The following PDZRN4 variants were observed in gnomAD, a reference collection of about 807,000 sequenced individuals.
PDZRN4 encodes the protein PDZ domain-containing RING finger protein 4.
PDZRN4 carries 70 observed loss-of-function variants against 99.0 expected under a neutral mutation model. The observed-to-expected ratio is 0.71, with a 90% CI of 0.58 to 0.86. The LOEUF (loss-of-function observed/expected upper bound fraction) is 0.86. Ranked by LOEUF, PDZRN4 falls within the 40% of genes least tolerant of loss-of-function variation. The pLI is 0.00. For missense variants in PDZRN4, 1,474 were observed against 1,331.2 expected (o/e 1.11, Z -1.67); for synonymous variants, 551 against 501.6 (o/e 1.10, Z -1.32).
In PDZRN4 at chr12:41,222,367, G is replaced by A. The variant is rs545751361; in HGVS notation, c.843+28179G>A. Reference sequence around the variant, plus strand: ...CTATTTAGACTGCTATCTGCCCTTAGGCAGCTGTGATGTACAGATTGAGAG... The same window carrying A: ...CTATTTAGACTGCTATCTGCCCTTAAGCAGCTGTGATGTACAGATTGAGAG... On this transcript the variant is annotated intron_variant, in intron 3 of 9. Coordinates refer to ENST00000402685, the MANE Select transcript of PDZRN4 (RefSeq NM_001164595.2). Among the ~76,000 whole-genome samples, 9 of 152,218 alleles carry A rather than the reference G, an allele frequency of 5.9e-5. No individual in the cohort carries two copies. The South Asian group carries it at 1.9e-3, about 32-fold the overall frequency.
intron 3 of PDZRN4, among the ~76,000 whole-genome samples, chr12:41,220,275 C>T (rs959713535): frequency 1.1e-4 from 16 of 152,028 alleles, no homozygotes; most frequent in African/African-American, 3.9e-4. Context: ...TGTAGGTGGC[C>T]ACCCTCTTGC....
At chr12:41,193,968 T>G in intron 2 of PDZRN4, 113 bp from the exon 3 acceptor site, 1 of 622,684 alleles carries the variant, frequency 1.6e-6, no homozygotes, top group African/African-American at 1.8e-5. Context: ...AATCCCCAGC[T>G]AAGAGAGTTG....
At chr12:41,216,060 A>G (rs917513487) in intron 3 of PDZRN4, among the ~76,000 whole-genome samples, 1 of 151,922 alleles carries the variant, frequency 6.6e-6, no homozygotes, top group African/African-American at 2.4e-5. Context: ...TTTCTTTCTC[A>G]GAACTCTGGT....
chr12:41,421,145 A>G (rs973183887), intron 3 of PDZRN4, among the ~76,000 whole-genome samples: 12 of 152,150 alleles, frequency 7.9e-5, no homozygotes, highest in Non-Finnish European at 1.8e-4. Flanking sequence ...GACTGTTTAC[A>G]CACTATTGTA....
chr12:41,218,873 A>G (rs185198068), intron 3 of PDZRN4, among the ~76,000 whole-genome samples: 13 of 152,130 alleles, frequency 8.5e-5, no homozygotes, highest in Admixed American at 7.2e-4. Flanking sequence ...GCAGTTATTT[A>G]TTTTTACACA....
intron 3 of PDZRN4, among the ~76,000 whole-genome samples, chr12:41,338,939 G>A (rs1041508693): frequency 6.6e-5 from 10 of 151,948 alleles, no homozygotes; most frequent in African/African-American, 2.4e-4. Flanking sequence ...ACAAAAAAAT[G>A]GAAAGACATT....
At chr12:41,559,031 G>C (rs1939219143) in intron 7 of PDZRN4, among the ~76,000 whole-genome samples, 1 of 152,224 alleles carries the variant, frequency 6.6e-6, no homozygotes, top group African/African-American at 2.4e-5. Context: ...AGTCCCTTTA[G>C]AGCAATTGTG....
chr12:41,244,238 C>T (rs1439968246), intron 3 of PDZRN4, among the ~76,000 whole-genome samples: 1 of 151,690 alleles, frequency 6.6e-6, no homozygotes, highest in Non-Finnish European at 1.5e-5. Flanking sequence ...CCTGTTCCCA[C>T]ACCTTACCTG....
intron 3 of PDZRN4, among the ~76,000 whole-genome samples, chr12:41,423,121 T>A (rs1034507703): frequency 6.6e-6 from 1 of 152,108 alleles, no homozygotes; most frequent in Non-Finnish European, 1.5e-5. Flanking sequence ...TAATTTAAGT[T>A]AGATAAATCT....
intron 3 of PDZRN4, among the ~76,000 whole-genome samples, chr12:41,371,155 A>G (rs1283314120): frequency 2.0e-5 from 3 of 149,436 alleles, no homozygotes; most frequent in South Asian, 4.2e-4. Context: ...TCCTATATAT[A>G]TTAACTATTA....
intron 3 of PDZRN4, among the ~76,000 whole-genome samples, chr12:41,450,582 T>A (rs966396432): frequency 6.6e-6 from 1 of 152,134 alleles, no homozygotes; most frequent in Non-Finnish European, 1.5e-5. Flanking sequence ...AAGAACTACA[T>A]GCAAAAGTGA....
At position 41,188,982 on chromosome 12, in the gene PDZRN4, C is replaced by G; in HGVS notation, c.527C>G (p.Ala176Gly). 6.7e-7 allele frequency: 1 copy of G among 1,500,378 alleles called. No individual in the cohort carries two copies. The highest frequency in any genetic ancestry group is 1.2e-5 in the South Asian group (1 of 82,208). 92.9% of individuals were successfully genotyped at this position (1,500,378 alleles called of 1,614,324 possible). A position where few individuals can be genotyped will look rare whatever the true frequency, so the allele number is the denominator to read the frequency against. Residue 176 changes from alanine to glycine, a missense_variant, in exon 1 of 10, where the codon GCG becomes GGG. Transcript: ENST00000402685. The part of the protein sequence containing the change: ...AWRRREKALL[A>G]QLWALQGEVQ... Reference sequence around the variant, plus strand: ...AGGCGGCGCGAGAAGGCGCTGCTGGCGCAGCTCTGGGCGCTGCAGGGCGAG... The same window carrying G: ...AGGCGGCGCGAGAAGGCGCTGCTGGGGCAGCTCTGGGCGCTGCAGGGCGAG...
In PDZRN4 at chr12:41,501,032, A is replaced by C. The variant is rs150261178; in HGVS notation, c.844-5424A>C. On this transcript the variant is annotated intron_variant, in intron 3 of 9. Coordinates refer to ENST00000402685, the MANE Select transcript of PDZRN4 (RefSeq NM_001164595.2). Reference sequence around the variant, plus strand: ...GAGATCTTGTAGACTAACCAGGTACAGGATCATGTCCAACCAGAATTATAA... The same window carrying C: ...GAGATCTTGTAGACTAACCAGGTACCGGATCATGTCCAACCAGAATTATAA... 6.0e-3 allele frequency among the ~76,000 whole-genome samples: 919 copies of C among 152,270 alleles called. 12 individuals carry two copies. Among genetic ancestry groups the C allele is most frequent in the African/African-American group, 0.02 (832 of 41,576 alleles).
rs1055919202 is a variant in PDZRN4 at position 41,198,585 on chromosome 12, G to A, written c.843+4397G>A. On this transcript the variant is annotated intron_variant, in intron 3 of 9. Coordinates refer to ENST00000402685, the MANE Select transcript of PDZRN4 (RefSeq NM_001164595.2). ...TTCTTTAGAAATAGTTCCCACATTG[G>A]AACATCACACTCTGGGGACTGTTGT... is the stretch of plus-strand genomic sequence containing the variant. Among the ~76,000 whole-genome samples, 9 of 132,758 alleles carry A rather than the reference G, an allele frequency of 6.8e-5. No homozygotes were observed. In the Admixed American group the frequency reaches 7.3e-4, roughly 11 times the overall value. 87.1% of individuals were successfully genotyped at this position (132,758 alleles called of 152,430 possible). A position where few individuals can be genotyped will look rare whatever the true frequency, so the allele number is the denominator to read the frequency against.
chr12:41,477,695 T>C (rs1296277388), intron 3 of PDZRN4, among the ~76,000 whole-genome samples: 2 of 152,190 alleles, frequency 1.3e-5, no homozygotes, highest in Non-Finnish European at 2.9e-5. Flanking sequence ...TGAATATAAA[T>C]ATAAATGATG....
intron 3 of PDZRN4, among the ~76,000 whole-genome samples, chr12:41,499,135 A>G (rs1938065596): frequency 6.6e-6 from 1 of 152,096 alleles, no homozygotes; most frequent in South Asian, 2.1e-4. Flanking sequence ...GATTGTGAGC[A>G]GAGCCAAGCA....
intron 3 of PDZRN4, among the ~76,000 whole-genome samples, chr12:41,484,871 T>A (rs774012946): frequency 1.3e-5 from 2 of 152,234 alleles, no homozygotes; most frequent in Non-Finnish European, 1.5e-5. Flanking sequence ...AGGTAGTAGG[T>A]CAGGGTTGCC....
At chr12:41,390,257 A>G (rs1008995454) in intron 3 of PDZRN4, among the ~76,000 whole-genome samples, 1 of 152,172 alleles carries the variant, frequency 6.6e-6, no homozygotes, top group Non-Finnish European at 1.5e-5. Flanking sequence ...TTATTTATAA[A>G]CACAATGAGT....
intron 3 of PDZRN4, among the ~76,000 whole-genome samples, chr12:41,357,985 C>G (rs1467763336): frequency 1.3e-5 from 2 of 152,006 alleles, no homozygotes; most frequent in Non-Finnish European, 2.9e-5. Flanking sequence ...TCACTTCAGC[C>G]AAGACATTGG....
Sources: gnomAD v4.1 joint callset for allele counts (sites outside exome capture counted in the v4.1 genomes callset) on GRCh38, gnomAD v4.1.1 for gene constraint, MANE v1.5 for transcripts, NCBI Gene and HGNC (gene_info 2026-07-23, HGNC 2026-07-21) for gene names.